Variants in DOCK8 observed in about 807,000 individuals in gnomAD.
DOCK8 encodes the protein dedicator of cytokinesis protein 8.
A neutral mutation model predicts 245.6 loss-of-function variants in DOCK8; 141 were observed. The observed-to-expected ratio is 0.57, with a 90% CI of 0.50 to 0.66. DOCK8 has a LOEUF of 0.66. DOCK8 is among the 30% of genes least tolerant of loss of function. The pLI is 0.00. For missense variants in DOCK8, 2,965 were observed against 2,603.4 expected (o/e 1.14, Z -3.02); for synonymous variants, 1,168 against 970.2 (o/e 1.20, Z -3.79).
At chr9:426,339 G>T (rs907626893) in intron 33 of DOCK8, among the ~76,000 whole-genome samples, 1 of 152,112 alleles carries the variant, frequency 6.6e-6, no homozygotes, top group Non-Finnish European at 1.5e-5. Context: ...AAGACCCCAC[G>T]CACTTGGCTG....
At chr9:243,809 C>G (rs1001819359) in intron 1 of DOCK8, among the ~76,000 whole-genome samples, 2 of 152,258 alleles carry the variant, frequency 1.3e-5, no homozygotes, top group Middle Eastern at 3.4e-3. Flanking sequence ...CACAATCCCC[C>G]TTTTTCTTCA....
intron 33 of DOCK8, among the ~76,000 whole-genome samples, chr9:425,393 G>A (rs879710033): frequency 6.5e-4 from 99 of 152,108 alleles, no homozygotes; most frequent in Middle Eastern, 3.4e-3. Context: ...GTAGCCGGGC[G>A]CGGTGGCGGG....
intron 7 of DOCK8, among the ~76,000 whole-genome samples, chr9:323,732 A>G (rs1178519628): frequency 6.6e-6 from 1 of 152,118 alleles, no homozygotes; most frequent in Non-Finnish European, 1.5e-5. Context: ...TTACTACTCT[A>G]GGTGCCTCAT....
chr9:336,684 C>G lies in DOCK8; in HGVS notation c.1388C>G (p.Thr463Ser). The change falls in exon 12 of 48, where the codon ACC becomes AGC. Residue 463 changes from threonine (T) to serine (S), a missense_variant. Physicochemically the swap from Thr to Ser is moderately conservative, Grantham distance 58. This residue lies in a region of DOCK8 where 2,825 missense variants were observed against 2,453.5 expected (regional missense o/e 1.15). Coordinates refer to ENST00000432829, the MANE Select transcript of DOCK8 (RefSeq NM_203447.4). ...AATGGGGTTGGATCCAACTTCAAAA[C>G]CTCCACTCTGAGCGTTAGCAGCTTT... ...EENGVGSNFK[T>S]STLSVSSFFK... 6.2e-7 allele frequency: 1 copy of G among 1,614,094 alleles called. No homozygotes were observed. Among genetic ancestry groups the G allele is most frequent in the South Asian group, 1.1e-5 (1 of 91,080 alleles).
intron 36 of DOCK8, among the ~76,000 whole-genome samples, chr9:430,342 C>G (rs564736812): frequency 6.6e-6 from 1 of 151,884 alleles, no homozygotes; most frequent in Non-Finnish European, 1.5e-5. Flanking sequence ...CCATTTCACT[C>G]CAGCCTGGAC....
At chr9:323,246 CAG>C (rs2050604143) in intron 7 of DOCK8, among the ~76,000 whole-genome samples, 1 of 97,086 alleles carries the variant, frequency 1.0e-5, no homozygotes, top group Admixed American at 1.6e-4. Flanking sequence ...TTTTTTGAGA[CAG>C]AGTCTCACTC....
At chr9:219,267 C>G (rs1048903399) in intron 1 of DOCK8, among the ~76,000 whole-genome samples, 2 of 152,108 alleles carry the variant, frequency 1.3e-5, no homozygotes, top group African/African-American at 4.8e-5. Context: ...GTCAGGAGTT[C>G]AAGACCGGCC....
At chr9:419,514 A>G (rs940151116) in intron 30 of DOCK8, among the ~76,000 whole-genome samples, 4 of 152,218 alleles carry the variant, frequency 2.6e-5, no homozygotes, top group East Asian at 1.9e-4. Context: ...GTGAGGTTGT[A>G]TCTCAAGATT....
intron 14 of DOCK8, among the ~76,000 whole-genome samples, chr9:341,646 C>T (rs1410230982): frequency 6.6e-6 from 1 of 152,196 alleles, no homozygotes; most frequent in Non-Finnish European, 1.5e-5. Flanking sequence ...TCTGTGAACG[C>T]TCAATGGCAT....
intron 1 of DOCK8, among the ~76,000 whole-genome samples, chr9:243,164 A>T (rs1447673568): frequency 2.0e-5 from 3 of 152,084 alleles, no homozygotes; most frequent in African/African-American, 7.2e-5. Flanking sequence ...GGCTTAATCA[A>T]CTCAGTGGTA....
At chr9:313,923 A>G (rs1021479064) in intron 6 of DOCK8, among the ~76,000 whole-genome samples, 1 of 152,228 alleles carries the variant, frequency 6.6e-6, no homozygotes, top group African/African-American at 2.4e-5. Flanking sequence ...GATGTTCACA[A>G]TTACTACTTG....
chr9:270,110 T>G (rs766404059), intron 1 of DOCK8, among the ~76,000 whole-genome samples: 6 of 152,240 alleles, frequency 3.9e-5, no homozygotes, highest in Non-Finnish European at 8.8e-5. Flanking sequence ...TTGATCTGCA[T>G]TTCCCATTTC....
intron 1 of DOCK8, among the ~76,000 whole-genome samples, chr9:217,888 G>C (rs937600506): frequency 6.6e-6 from 1 of 152,168 alleles, no homozygotes; most frequent in African/African-American, 2.4e-5. Context: ...GCAGAGCTGG[G>C]ATTGCAAACT....
intron 6 of DOCK8, among the ~76,000 whole-genome samples, chr9:313,442 C>G (rs1432506670): frequency 3.3e-5 from 5 of 152,180 alleles, no homozygotes; most frequent in East Asian, 3.8e-4. Context: ...TTCTAAGCAC[C>G]TTGGTTTCCT....
intron 1 of DOCK8, among the ~76,000 whole-genome samples, chr9:265,097 A>G (rs1448540232): frequency 6.6e-6 from 1 of 152,018 alleles, no homozygotes; most frequent in Admixed American, 6.6e-5. Flanking sequence ...AAGCCAGGCT[A>G]ATTTTTGTAT....
chr9:280,665 C>T (rs2048540018), intron 2 of DOCK8: 1 of 152,194 alleles, frequency 6.6e-6, no homozygotes, highest in Non-Finnish European at 1.5e-5. Context: ...TTAAAGTCAC[C>T]TGTTTAGGGA....
intron 4 of DOCK8, 64 bp from the exon 5 acceptor site, chr9:304,517 A>C: frequency 6.2e-7 from 1 of 1,605,312 alleles, no homozygotes; most frequent in South Asian, 1.1e-5. Flanking sequence ...TTTTATTTTT[A>C]ATCTAATGGT....
At chr9:281,194 C>T (rs1563869875) in intron 2 of DOCK8, among the ~76,000 whole-genome samples, 4 of 151,628 alleles carry the variant, frequency 2.6e-5, no homozygotes, top group Non-Finnish European at 5.9e-5. Context: ...GTGGAGGTTG[C>T]AGTGAGCCGA....
chr9:315,112 G>A (rs1180824843), intron 6 of DOCK8, among the ~76,000 whole-genome samples: 1 of 152,160 alleles, frequency 6.6e-6, no homozygotes, highest in Non-Finnish European at 1.5e-5. Flanking sequence ...AAAAGGCTAG[G>A]GGAGTACTTC....
Sources: allele counts gnomAD v4.1 joint callset (sites outside exome capture counted in the v4.1 genomes callset), GRCh38; gene constraint gnomAD v4.1.1; regional missense constraint gnomAD v4.1.1; transcripts MANE v1.5; gene names NCBI Gene and HGNC (gene_info 2026-07-23, HGNC 2026-07-21).